The following FOXP2 variants were observed in gnomAD, a reference collection of about 807,000 sequenced individuals.
FOXP2 encodes the protein forkhead box protein P2.
Under a neutral mutation model 115.8 loss-of-function variants are expected in FOXP2, and 12 were observed. The observed-to-expected ratio is 0.10, with a 90% CI of 0.07 to 0.17. The LOEUF is 0.17. Ranked by LOEUF, FOXP2 falls within the 10% of genes least tolerant of loss-of-function variation. FOXP2 has a pLI of 1.00. For missense variants in FOXP2, 629 were observed against 843.5 expected (o/e 0.75, Z 3.15); for synonymous variants, 328 against 297.7 (o/e 1.10, Z -1.05).
intron 2 of FOXP2, among the ~76,000 whole-genome samples, chr7:114,503,323 AT>A (rs1375368993): frequency 2.0e-5 from 3 of 151,604 alleles, no homozygotes; most frequent in East Asian, 3.9e-4. Flanking sequence ...AGATTTTAAA[AT>A]TTTTTTATTG....
chr7:114,265,529 G>A (rs1008532482), intron 1 of FOXP2, among the ~76,000 whole-genome samples: 12 of 152,272 alleles, frequency 7.9e-5, no homozygotes, highest in African/African-American at 2.6e-4. Context: ...GGCAAAGGGC[G>A]TAAGCTGCTG....
At chr7:114,281,572 TC>T (rs1796337892) in intron 1 of FOXP2, among the ~76,000 whole-genome samples, 1 of 152,158 alleles carries the variant, frequency 6.6e-6, no homozygotes, top group South Asian at 2.1e-4. Context: ...CTTGCTAACT[TC>T]CATTTTACTA....
intron 3 of FOXP2, chr7:114,538,356 C>A: frequency 7.7e-7 from 1 of 1,303,138 alleles, no homozygotes; most frequent in Non-Finnish European, 1.0e-6. Flanking sequence ...TCTTCAACAG[C>A]TGTGCAGAGC....
At chr7:114,185,235 C>A (rs1793561405) in intron 1 of FOXP2, among the ~76,000 whole-genome samples, 1 of 150,294 alleles carries the variant, frequency 6.7e-6, no homozygotes, top group African/African-American at 2.4e-5. Context: ...AGTTTTTTGG[C>A]TCCTTCAGAT....
At chr7:114,222,467 C>A (rs1794648980) in intron 1 of FOXP2, among the ~76,000 whole-genome samples, 1 of 152,072 alleles carries the variant, frequency 6.6e-6, no homozygotes, top group Non-Finnish European at 1.5e-5. Flanking sequence ...ATTTTCTTAT[C>A]CATTCATTCT....
intron 1 of FOXP2, among the ~76,000 whole-genome samples, chr7:114,424,857 G>T (rs1793773136): frequency 6.7e-6 from 1 of 149,916 alleles, no homozygotes; most frequent in African/African-American, 2.4e-5. Context: ...TGTAATTTTT[G>T]TTACACTAAC....
intron 1 of FOXP2, among the ~76,000 whole-genome samples, chr7:114,145,221 T>A (rs1792331740): frequency 6.6e-6 from 1 of 152,202 alleles, no homozygotes; most frequent in African/African-American, 2.4e-5. Flanking sequence ...TACTGTTTTA[T>A]AAACTGAAGT....
At chr7:114,148,497 A>T (rs1053017337) in intron 1 of FOXP2, among the ~76,000 whole-genome samples, 1 of 152,122 alleles carries the variant, frequency 6.6e-6, no homozygotes, top group Non-Finnish European at 1.5e-5. Context: ...ACATATTTAG[A>T]TGCCCAAATG....
At chr7:114,417,165 A>C (rs1168030036) in intron 1 of FOXP2, among the ~76,000 whole-genome samples, 9 of 151,938 alleles carry the variant, frequency 5.9e-5, no homozygotes, top group Admixed American at 5.9e-4. Context: ...GTTTGTGATT[A>C]GTTGATAGAG....
chr7:114,307,385 T>C (rs1797038902), intron 2 of FOXP2, among the ~76,000 whole-genome samples: 1 of 152,108 alleles, frequency 6.6e-6, no homozygotes, highest in Non-Finnish European at 1.5e-5. Flanking sequence ...AGACAAGATG[T>C]AGTCTAAGGC....
chr7:114,271,790 A>G (rs1303163994), intron 1 of FOXP2, among the ~76,000 whole-genome samples: 2 of 118,990 alleles, frequency 1.7e-5, no homozygotes, highest in South Asian at 4.6e-4. Context: ...ATATAAATGT[A>G]TGTCATATTA....
chr7:114,409,638 T>G (rs1489335141), upstream of FOXP2, among the ~76,000 whole-genome samples: 1 of 152,136 alleles, frequency 6.6e-6, no homozygotes, highest in Non-Finnish European at 1.5e-5. Context: ...TTCTGGCAAT[T>G]TTTCTCTGCC....
At chr7:114,547,736 G>A (rs1391998340) in intron 3 of FOXP2, among the ~76,000 whole-genome samples, 1 of 152,004 alleles carries the variant, frequency 6.6e-6, no homozygotes, top group East Asian at 1.9e-4. Flanking sequence ...TCCAGCCTGG[G>A]CAACAGAGCG....
intron 2 of FOXP2, among the ~76,000 whole-genome samples, chr7:114,295,272 C>G (rs1057344081): frequency 6.6e-6 from 1 of 152,158 alleles, no homozygotes; most frequent in Non-Finnish European, 1.5e-5. Context: ...ACCAGCATCA[C>G]TTATTACAAA....
chr7:114,437,429 G>A (rs1794405550), intron 2 of FOXP2, among the ~76,000 whole-genome samples: 1 of 152,068 alleles, frequency 6.6e-6, no homozygotes, highest in Admixed American at 6.6e-5. Flanking sequence ...TATTATCATG[G>A]AAATATTACT....
chr7:114,605,187 T>C (rs1038518172), intron 3 of FOXP2, among the ~76,000 whole-genome samples: 1 of 152,166 alleles, frequency 6.6e-6, no homozygotes, highest in Non-Finnish European at 1.5e-5. Context: ...TTTACATGTT[T>C]TTTTCTTGCC....
intron 2 of FOXP2, among the ~76,000 whole-genome samples, chr7:114,497,752 A>G (rs1054637641): frequency 6.6e-6 from 1 of 152,080 alleles, no homozygotes; most frequent in Non-Finnish European, 1.5e-5. Flanking sequence ...AGGTATTCAT[A>G]TATTTTACTG....
chr7:114,235,702 C>T (rs1794991121), intron 1 of FOXP2, among the ~76,000 whole-genome samples: 1 of 152,156 alleles, frequency 6.6e-6, no homozygotes, highest in Non-Finnish European at 1.5e-5. Flanking sequence ...ATAGCGTTGG[C>T]AAGTTTGGTT....
intron 1 of FOXP2, among the ~76,000 whole-genome samples, chr7:114,284,569 T>A (rs1796419439): frequency 6.6e-6 from 1 of 152,156 alleles, no homozygotes; most frequent in South Asian, 2.1e-4. Context: ...TGCACCATAA[T>A]CTATGCTATG....
Sources: allele counts gnomAD v4.1 joint callset (sites outside exome capture counted in the v4.1 genomes callset), GRCh38; gene constraint gnomAD v4.1.1; transcripts MANE v1.5; gene names NCBI Gene and HGNC (gene_info 2026-07-23, HGNC 2026-07-21).